Variants in TRERF1 observed in about 807,000 individuals in gnomAD.
TRERF1 encodes the protein transcriptional regulating factor 1, also known as transcriptional-regulating factor 1.
Under a neutral mutation model 122.9 loss-of-function variants are expected in TRERF1, and 27 were observed. The observed-to-expected ratio is 0.22, with a 90% confidence interval of 0.16 to 0.30. The LOEUF is 0.30. Among genes scored for constraint, TRERF1 ranks in the 10% least tolerant of loss-of-function variants. The pLI is 1.00. For synonymous variants in TRERF1, 636 were observed against 641.7 expected (o/e 0.99, Z 0.13); for missense variants, 1,248 against 1,560.3 (o/e 0.80, Z 3.37).
chr6:42,236,295 G>A (rs751601785), exon 16 of TRERF1: 18 of 1,611,150 alleles, frequency 1.1e-5, no homozygotes, highest in Non-Finnish European at 1.5e-5. Flanking sequence ...CCAGGACGGG[G>A]ACGGGTGGTG....
At chr6:42,373,623 C>T (rs1169019684) in intron 2 of TRERF1, among the ~76,000 whole-genome samples, 1 of 151,880 alleles carries the variant, frequency 6.6e-6, no homozygotes, top group Non-Finnish European at 1.5e-5. Flanking sequence ...GCCGAGATGG[C>T]GCCACTGCAC....
At chr6:42,303,396 A>G (rs181091544) in intron 3 of TRERF1, among the ~76,000 whole-genome samples, 37 of 152,342 alleles carry the variant, frequency 2.4e-4, no homozygotes, top group African/African-American at 8.7e-4. Flanking sequence ...AGTCTTTAAT[A>G]TGAGCCCTAA....
At chr6:42,363,662 T>C (rs1053861394) in intron 2 of TRERF1, among the ~76,000 whole-genome samples, 1 of 152,172 alleles carries the variant, frequency 6.6e-6, no homozygotes, top group South Asian at 2.1e-4. Context: ...TCATTGATGA[T>C]ATAAATAGTT....
intron 2 of TRERF1, among the ~76,000 whole-genome samples, chr6:42,413,579 G>A (rs548233357): frequency 1.3e-5 from 2 of 152,036 alleles, no homozygotes; most frequent in South Asian, 4.2e-4. Context: ...ATAGGTGCGC[G>A]CCACCATGCC....
chr6:42,435,157 A>G lies in TRERF1; in HGVS notation c.-454+16020T>C, dbSNP rs1785126966. 2.0e-5 allele frequency among the ~76,000 whole-genome samples: 3 copies of G among 151,914 alleles called. No homozygotes were observed. In the South Asian group the frequency reaches 6.2e-4, roughly 32 times the overall value. ...AAAAAAAAAAGAAAGAAAGAAAATC[A>G]AACAAACAAACACACACAAAAAAAA... On this transcript the variant is annotated intron_variant, in intron 2 of 17. Coordinates refer to ENST00000372922, the Ensembl canonical transcript of TRERF1.
intron 3 of TRERF1, among the ~76,000 whole-genome samples, chr6:42,340,813 A>G (rs376118433): frequency 2.0e-5 from 3 of 152,198 alleles, no homozygotes; most frequent in African/African-American, 7.2e-5. Context: ...ACATTCTCAG[A>G]GGATTCTTCT....
intron 14 of TRERF1, among the ~76,000 whole-genome samples, chr6:42,244,834 A>G (rs566732531): frequency 5.9e-5 from 9 of 152,378 alleles, no homozygotes; most frequent in African/African-American, 2.2e-4. Context: ...CAAACAGGCA[A>G]AGGTCTATGC....
chr6:42,444,618 T>C (rs932294382), intron 2 of TRERF1, among the ~76,000 whole-genome samples: 2 of 152,070 alleles, frequency 1.3e-5, no homozygotes, highest in African/African-American at 2.4e-5. Context: ...GTTCCTGAAG[T>C]ATCCCCCACC....
chr6:42,266,158 C>T (rs1261475903), intron 5 of TRERF1, among the ~76,000 whole-genome samples: 2 of 151,166 alleles, frequency 1.3e-5, no homozygotes, highest in Non-Finnish European at 2.9e-5. Context: ...GGAGACGCAG[C>T]ATTATGCCAG....
rs1281228968 is a variant in TRERF1, at chr6:42,275,233, A to T, written c.-258-5385T>A. On this transcript the variant is annotated intron_variant, in intron 4 of 17. Transcript: ENST00000372922. The surrounding 1 kb of genome is among the most constrained non-coding windows in gnomAD (Gnocchi z 4.1). ...TTCAAGTCTTTATTATTTTTCTAAC[A>T]AGGTAACTGTTTTGCTCATTATGTG... Among the ~76,000 whole-genome samples the T allele has an allele frequency of 6.6e-6, 1 of 152,204 alleles. No homozygotes were observed. The highest frequency in any genetic ancestry group is 6.5e-5 in the Admixed American group (1 of 15,276).
chr6:42,349,307 TG>T (rs1768943166), intron 3 of TRERF1, among the ~76,000 whole-genome samples: 1 of 152,040 alleles, frequency 6.6e-6, no homozygotes, highest in South Asian at 2.1e-4. Flanking sequence ...AAACTGGTTT[TG>T]GGGCATCTCA....
chr6:42,259,368 G>A lies in TRERF1; in HGVS notation c.2240C>T (p.Pro747Leu). ...GCGACACAGCAGCACCCGTGGTGTG[G>A]GCGTCAGGGGCGTCAGGGGCAGCTG... Residue 747 changes from proline (P) to leucine (L), a missense_variant, in exon 9 of 18, where the codon CCC becomes CTC. Coordinates refer to ENST00000372922, the Ensembl canonical transcript of TRERF1. The surrounding 1 kb of genome is among the most constrained non-coding windows in gnomAD (Gnocchi z 4.9). 6.6e-7 allele frequency: 1 copy of A among 1,514,110 alleles called. No homozygotes were observed. 93.8% of individuals were successfully genotyped at this position (1,514,110 alleles called of 1,614,324 possible). A position where few individuals can be genotyped will look rare whatever the true frequency, so the allele number is the denominator to read the frequency against.
intron 3 of TRERF1, among the ~76,000 whole-genome samples, chr6:42,355,695 G>A (rs534458784): frequency 1.3e-5 from 2 of 152,298 alleles, no homozygotes; most frequent in South Asian, 4.1e-4. Context: ...GGGTGTATGA[G>A]TGTGTGTGTG....
chr6:42,359,095 T>C (rs1259481655), intron 3 of TRERF1, among the ~76,000 whole-genome samples: 1 of 152,196 alleles, frequency 6.6e-6, no homozygotes, highest in East Asian at 1.9e-4. Context: ...CTCCTGGTTC[T>C]GGAACAGGTG....
intron 2 of TRERF1, among the ~76,000 whole-genome samples, chr6:42,387,049 AC>A (rs1367114309): frequency 1.3e-5 from 2 of 152,020 alleles, no homozygotes; most frequent in Non-Finnish European, 2.9e-5. Context: ...GGCAAAAACC[AC>A]CCCGACTTGA....
Position 42,268,067 on chromosome 6 carries a change from G to A in TRERF1, c.1437+87C>T, listed in dbSNP as rs1017224968. ...TAGTAAAGAACAAAAGGGTTGAGGG[G>A]GCTTGGAGAGAGGATTGAGCACTGC... On this transcript the variant is annotated intron_variant, in intron 5 of 17. Transcript: ENST00000372922. The surrounding 1 kb of genome is among the most constrained non-coding windows in gnomAD (Gnocchi z 4.4). 109 of 1,346,480 alleles carry A rather than the reference G, an allele frequency of 8.1e-5. No homozygotes were observed. The highest frequency in any genetic ancestry group is 5.8e-4 in the Middle Eastern group (2 of 3,472). 83.4% of individuals were successfully genotyped at this position (1,346,480 alleles called of 1,614,324 possible).
chr6:42,351,123 C>T (rs1769362208), intron 3 of TRERF1, among the ~76,000 whole-genome samples: 1 of 152,162 alleles, frequency 6.6e-6, no homozygotes, highest in African/African-American at 2.4e-5. Flanking sequence ...TTGGCAAAAA[C>T]TGAAACAACT....
intron 2 of TRERF1, among the ~76,000 whole-genome samples, chr6:42,448,588 T>C (rs1221751471): frequency 6.6e-6 from 1 of 152,208 alleles, no homozygotes; most frequent in Non-Finnish European, 1.5e-5. Flanking sequence ...AGGAAGAGAC[T>C]GTCAAGACCT....
At chr6:42,233,227 G>T (rs1033650153) in intron 16 of TRERF1, among the ~76,000 whole-genome samples, 24 of 149,188 alleles carry the variant, frequency 1.6e-4, no homozygotes, top group African/African-American at 5.7e-4. Flanking sequence ...TTTCCCTTCT[G>T]TATACTTTAT....
Sources: gnomAD v4.1 joint callset for allele counts (sites outside exome capture counted in the v4.1 genomes callset) on GRCh38, gnomAD v4.1.1 for gene constraint, Gnocchi (gnomAD v3.1) non-coding constraint, MANE v1.5 for transcripts, NCBI Gene and HGNC (gene_info 2026-07-23, HGNC 2026-07-21) for gene names.